The following FAM178B variants were observed in gnomAD, a reference collection of about 807,000 sequenced individuals.
FAM178B encodes the protein family with sequence similarity 178 member B, also known as protein FAM178B.
A neutral mutation model predicts 91.7 loss-of-function variants in FAM178B; 82 were observed. The observed-to-expected ratio is 0.89, with a 90% confidence interval of 0.75 to 1.07. FAM178B has a LOEUF of 1.07. Among genes scored for constraint, FAM178B ranks in the 50% least tolerant of loss-of-function variants. FAM178B has a pLI of 0.00. For missense variants in FAM178B, 769 were observed against 846.7 expected (o/e 0.91, Z 1.14); for synonymous variants, 368 against 359.4 (o/e 1.02, Z -0.27).
At chr2:96,978,628 CTTT>C (rs70964892) in intron 1 of FAM178B, among the ~76,000 whole-genome samples, 14 of 134,604 alleles carry the variant, frequency 1.0e-4, no homozygotes, top group Admixed American at 7.3e-5. Context: ...ATGATTTCTT[CTTT>C]TTTTTTTTTT....
intron 4 of FAM178B, among the ~76,000 whole-genome samples, chr2:96,969,697 A>AC (rs2082191532): frequency 6.6e-6 from 1 of 152,194 alleles, no homozygotes; most frequent in Admixed American, 6.5e-5. Flanking sequence ...CCCTTCCCTA[A>AC]CGTACAATCT....
rs192373453 is a variant in FAM178B at position 96,942,200 on chromosome 2, A to C, written c.1078+5618T>G. 4.7e-4 allele frequency among the ~76,000 whole-genome samples: 71 copies of C among 152,358 alleles called. No homozygotes were observed. The South Asian group carries it at 0.01, about 22-fold the overall frequency. The stretch of plus-strand genomic sequence containing the variant: ...AAATTACAACACATTGTTGACAGAA[A>C]TTAAAGAGGATCTAAATAAATGGAA... On this transcript the variant is annotated intron_variant, in intron 8 of 16. Transcript: ENST00000490605.
Position 96,886,377 on chromosome 2 carries a change from G to A in FAM178B, c.1776+7549C>T, listed in dbSNP as rs114962697. Among the ~76,000 whole-genome samples the A allele has an allele frequency of 3.7e-3, 562 of 152,340 alleles. 1 individual carries two copies. Among genetic ancestry groups the A allele is most frequent in the Non-Finnish European group, 5.6e-3 (382 of 68,036 alleles). ...CCATTCTGGTTACGATTCGAGGGCC[G>A]AAGCTCTTTCTTGTCCAGGAAGAGT... On this transcript the variant is annotated intron_variant, in intron 14 of 16. Coordinates refer to ENST00000490605, the MANE Select transcript of FAM178B (RefSeq NM_001122646.3).
At chr2:96,894,335 C>A (rs1489325320) in intron 13 of FAM178B, among the ~76,000 whole-genome samples, 3 of 149,400 alleles carry the variant, frequency 2.0e-5, no homozygotes, top group Non-Finnish European at 4.5e-5. Flanking sequence ...CACTCTTCCC[C>A]CCACAGACCT....
intron 1 of FAM178B, among the ~76,000 whole-genome samples, chr2:96,983,688 C>T (rs770253578): frequency 1.3e-5 from 2 of 151,958 alleles, no homozygotes; most frequent in Non-Finnish European, 2.9e-5. Flanking sequence ...GCTAACAAAG[C>T]GCTGGGATTA....
At chr2:96,938,420 G>A (rs946035330) in intron 8 of FAM178B, among the ~76,000 whole-genome samples, 1 of 152,194 alleles carries the variant, frequency 6.6e-6, no homozygotes, top group African/African-American at 2.4e-5. Context: ...TGCCTGCTGA[G>A]CTGGGGTAAA....
intron 12 of FAM178B, among the ~76,000 whole-genome samples, chr2:96,917,581 C>A (rs1022889255): frequency 2.0e-5 from 3 of 152,196 alleles, no homozygotes; most frequent in African/African-American, 7.2e-5. Context: ...AAAGCTGAGG[C>A]ATGGTGGCTC....
intron 13 of FAM178B, among the ~76,000 whole-genome samples, chr2:96,896,167 C>T (rs895490916): frequency 1.3e-5 from 2 of 152,220 alleles, no homozygotes; most frequent in African/African-American, 4.8e-5. Context: ...GCAGGCCTCG[C>T]CCAGCCGGGA....
chr2:96,929,620 G>A (rs778652173), intron 8 of FAM178B, among the ~76,000 whole-genome samples: 9 of 152,206 alleles, frequency 5.9e-5, no homozygotes, highest in African/African-American at 9.6e-5. Flanking sequence ...CAGGGTGCTC[G>A]GCTGCCCACA....
chr2:96,915,401 A>G (rs1202166531), intron 12 of FAM178B, among the ~76,000 whole-genome samples: 2 of 149,846 alleles, frequency 1.3e-5, no homozygotes, highest in Non-Finnish European at 3.0e-5. Flanking sequence ...TACAGGTGTG[A>G]GCCACCGCAC....
At chr2:96,888,260 T>C (rs2080577110) in intron 14 of FAM178B, among the ~76,000 whole-genome samples, 2 of 152,208 alleles carry the variant, frequency 1.3e-5, no homozygotes, top group African/African-American at 4.8e-5. Flanking sequence ...ACTCACAAGT[T>C]CTGAATATCC....
chr2:96,972,610 G>T lies in FAM178B; in HGVS notation c.74-4C>A, dbSNP rs1024562783. The T allele has an allele frequency of 3.9e-6, 6 of 1,551,108 alleles. No individual in the cohort carries two copies. The African/African-American group carries it at 8.2e-5, about 21-fold the overall frequency. ...TGCAAGCCGTGGGACATCTGTCCTG[G>T]AAGGAAGCGCCTGTGAGGGCAGGTG... On this transcript the variant is annotated splice_region_variant and splice_polypyrimidine_tract_variant and intron_variant, in intron 1 of 16. Coordinates refer to ENST00000490605, the MANE Select transcript of FAM178B (RefSeq NM_001122646.3).
At chr2:96,917,113 C>G (rs1309934362) in intron 12 of FAM178B, among the ~76,000 whole-genome samples, 1 of 152,142 alleles carries the variant, frequency 6.6e-6, no homozygotes, top group African/African-American at 2.4e-5. Flanking sequence ...GGTACGTGCA[C>G]ACGCAGACAG....
At chr2:96,977,550 CAA>C (rs1410586863) in intron 1 of FAM178B, among the ~76,000 whole-genome samples, 1 of 150,484 alleles carries the variant, frequency 6.6e-6, no homozygotes, top group African/African-American at 2.4e-5. Flanking sequence ...GAACATTTGC[CAA>C]AGACAAGAAA....
intron 14 of FAM178B, among the ~76,000 whole-genome samples, chr2:96,881,421 T>G (rs926405767): frequency 3.3e-5 from 5 of 151,992 alleles, no homozygotes; most frequent in Non-Finnish European, 7.4e-5. Context: ...CTGGGCTGTC[T>G]GCGAGGGAGA....
At chr2:96,932,432 G>C (rs1211192278) in intron 8 of FAM178B, among the ~76,000 whole-genome samples, 1 of 152,268 alleles carries the variant, frequency 6.6e-6, no homozygotes, top group African/African-American at 2.4e-5. Flanking sequence ...ATACCACCCC[G>C]GAGCCCATAA....
chr2:96,950,027 C>T lies in FAM178B; in HGVS notation c.993+1352G>A, dbSNP rs567302493. On this transcript the variant is annotated intron_variant, in intron 7 of 16. Coordinates refer to ENST00000490605, the MANE Select transcript of FAM178B (RefSeq NM_001122646.3). Reference sequence around the variant, plus strand: ...GCACTCCTCTCCCCTCCAGCCCCCTCGCAGCATGATGGAGACGGGGAAAGA... The same window carrying T: ...GCACTCCTCTCCCCTCCAGCCCCCTTGCAGCATGATGGAGACGGGGAAAGA... 4.1e-6 allele frequency: 4 copies of T among 985,838 alleles called. No homozygotes were observed. In the Admixed American group the frequency reaches 1.8e-4, roughly 45 times the overall value. 61.1% of individuals were successfully genotyped at this position (985,838 alleles called of 1,614,324 possible). A position where few individuals can be genotyped will look rare whatever the true frequency, so the allele number is the denominator to read the frequency against.
intron 14 of FAM178B, among the ~76,000 whole-genome samples, chr2:96,879,440 G>A (rs893741048): frequency 1.4e-4 from 22 of 152,316 alleles, no homozygotes; most frequent in African/African-American, 3.6e-4. Context: ...CTCCCAGGGC[G>A]CCAGGCAGTG....
At chr2:96,879,031 A>G (rs2080314980) in intron 14 of FAM178B, among the ~76,000 whole-genome samples, 5 of 152,190 alleles carry the variant, frequency 3.3e-5, no homozygotes, top group African/African-American at 1.2e-4. Flanking sequence ...AGCAGTGAAA[A>G]CAGGACGCAG....
Sources: gnomAD v4.1 joint callset for allele counts (sites outside exome capture counted in the v4.1 genomes callset) on GRCh38, gnomAD v4.1.1 for gene constraint, MANE v1.5 for transcripts, NCBI Gene and HGNC (gene_info 2026-07-23, HGNC 2026-07-21) for gene names.